The following NEGR1 variants were observed in gnomAD, a reference collection of about 807,000 sequenced individuals.
The protein encoded by NEGR1 is neuronal growth regulator 1.
A neutral mutation model predicts 40.9 loss-of-function variants in NEGR1; 10 were observed. That is an observed-to-expected ratio of 0.24 (90% CI 0.15 to 0.42). The LOEUF is 0.42. NEGR1 is among the 10% of genes least tolerant of loss of function. The pLI is 1.00. For missense variants in NEGR1, 352 were observed against 438.9 expected, an observed-to-expected ratio of 0.80 and a Z score of 1.77; for synonymous variants, 185 against 166.8, an observed-to-expected ratio of 1.11 and a Z score of -0.84.
At chr1:71,985,161 A>G (rs952068582) in intron 1 of NEGR1, among the ~76,000 whole-genome samples, 12 of 152,194 alleles carry the variant, frequency 7.9e-5, no homozygotes, top group African/African-American at 2.9e-4. Flanking sequence ...TTCCCATTCT[A>G]TATTTCAAGA....
chr1:71,904,743 C>G (rs183406113), intron 2 of NEGR1, among the ~76,000 whole-genome samples: 22 of 152,176 alleles, frequency 1.4e-4, no homozygotes, highest in African/African-American at 4.8e-4. Flanking sequence ...TAGTATCCAC[C>G]CACTTAATCT....
rs770213232 is a variant in NEGR1 at position 72,102,926 on chromosome 1, G to A, written c.177-167615C>T. Among the ~76,000 whole-genome samples, 116 of 152,070 alleles carry A rather than the reference G, an allele frequency of 7.6e-4. No individual in the cohort carries two copies. The Middle Eastern group carries it at 0.02, about 27-fold the overall frequency. The stretch of plus-strand genomic sequence containing the variant: ...TTTTTAAAAGTTTTGCTAGGTTAGC[G>A]GAATGGCAATTGCTTTTGATCAAAA... On this transcript the variant is annotated intron_variant, in intron 1 of 6. Transcript: ENST00000357731.
chr1:72,018,143 C>T (rs548713777), intron 1 of NEGR1, among the ~76,000 whole-genome samples: 7 of 152,016 alleles, frequency 4.6e-5, no homozygotes, highest in African/African-American at 1.2e-4. Context: ...CGGTCAATAT[C>T]GATGGTTCAT....
At chr1:72,026,632 C>G (rs1352476228) in intron 1 of NEGR1, among the ~76,000 whole-genome samples, 1 of 152,070 alleles carries the variant, frequency 6.6e-6, no homozygotes, top group Non-Finnish European at 1.5e-5. Flanking sequence ...CTGACCCTCT[C>G]TCTCTCCTGA....
intron 4 of NEGR1, among the ~76,000 whole-genome samples, chr1:71,611,932 T>C (rs924810280): frequency 6.6e-6 from 1 of 152,136 alleles, no homozygotes; most frequent in Admixed American, 6.5e-5. Context: ...GATAGAAATG[T>C]ATTGCATTGG....
intron 1 of NEGR1, among the ~76,000 whole-genome samples, chr1:72,104,741 C>T (rs867165918): frequency 2.6e-5 from 4 of 151,922 alleles, no homozygotes; most frequent in Admixed American, 6.6e-5. Flanking sequence ...TTAAATTGTC[C>T]GATTTAGTTT....
intron 3 of NEGR1, among the ~76,000 whole-genome samples, chr1:71,768,548 G>T (rs1407639038): frequency 6.6e-6 from 1 of 152,120 alleles, no homozygotes; most frequent in African/African-American, 2.4e-5. Context: ...GATTTTACAG[G>T]CACATAGGAA....
At chr1:71,562,133 G>A (rs950579606) in intron 6 of NEGR1, among the ~76,000 whole-genome samples, 2 of 151,656 alleles carry the variant, frequency 1.3e-5, no homozygotes, top group Non-Finnish European at 2.9e-5. Flanking sequence ...CAATGTAGGT[G>A]CCAAGGGTTT....
At chr1:71,581,616 T>C (rs766644278) in intron 6 of NEGR1, among the ~76,000 whole-genome samples, 1 of 152,152 alleles carries the variant, frequency 6.6e-6, no homozygotes, top group Non-Finnish European at 1.5e-5. Context: ...TGAAAGAATC[T>C]GTGAGAAGCA....
chr1:71,465,573 G>A (rs976706826), intron 6 of NEGR1, among the ~76,000 whole-genome samples: 1 of 151,882 alleles, frequency 6.6e-6, no homozygotes, highest in African/African-American at 2.4e-5. Flanking sequence ...AAAAACTTGG[G>A]TCTCCATGAA....
At chr1:72,121,405 A>G (rs1649801234) in intron 1 of NEGR1, among the ~76,000 whole-genome samples, 1 of 152,028 alleles carries the variant, frequency 6.6e-6, no homozygotes, top group Admixed American at 6.6e-5. Context: ...CAAATGTATC[A>G]TACCTAAGCA....
Position 72,094,506 on chromosome 1 carries a change from A to G in NEGR1, c.177-159195T>C, listed in dbSNP as rs552844154. Among the ~76,000 whole-genome samples the G allele has an allele frequency of 2.4e-4, 37 of 152,272 alleles. 1 individual carries two copies. Among genetic ancestry groups the G allele is most frequent in the African/African-American group, 7.9e-4 (33 of 41,558 alleles). Reference sequence around the variant, plus strand: ...GTGCCTGGTCTTTTCAACGTCAAAAACAACTGCAGATGGATATTCCATAAC... The same window carrying G: ...GTGCCTGGTCTTTTCAACGTCAAAAGCAACTGCAGATGGATATTCCATAAC... On this transcript the variant is annotated intron_variant, in intron 1 of 6. Transcript: ENST00000357731.
chr1:71,653,464 AC>A (rs929827662), intron 4 of NEGR1, among the ~76,000 whole-genome samples: 38 of 152,154 alleles, frequency 2.5e-4, no homozygotes, highest in African/African-American at 9.2e-4. Context: ...TTCTTTTTCC[AC>A]CTCATTCTTT....
At chr1:71,511,530 A>T (rs950342033) in intron 6 of NEGR1, among the ~76,000 whole-genome samples, 2 of 152,232 alleles carry the variant, frequency 1.3e-5, no homozygotes, top group African/African-American at 4.8e-5. Flanking sequence ...TCAACTGAAC[A>T]TAGTGGAAAG....
intron 1 of NEGR1, among the ~76,000 whole-genome samples, chr1:72,103,712 C>G (rs1649028814): frequency 6.6e-6 from 1 of 152,022 alleles, no homozygotes; most frequent in Non-Finnish European, 1.5e-5. Context: ...CTCTATTTCT[C>G]AGGTTTATAT....
At chr1:72,272,058 A>G (rs1168414969) in intron 1 of NEGR1, among the ~76,000 whole-genome samples, 2 of 151,882 alleles carry the variant, frequency 1.3e-5, no homozygotes, top group Non-Finnish European at 2.9e-5. Context: ...AATACAGAAA[A>G]TTATGGGTTT....
chr1:71,848,594 C>A (rs1659498503), intron 2 of NEGR1, among the ~76,000 whole-genome samples: 2 of 152,266 alleles, frequency 1.3e-5, no homozygotes, highest in African/African-American at 2.4e-5. Context: ...AATATTTAAG[C>A]CCACTGTTGA....
At chr1:71,953,888 C>A (rs1646094652) in intron 1 of NEGR1, among the ~76,000 whole-genome samples, 1 of 151,840 alleles carries the variant, frequency 6.6e-6, no homozygotes, top group Non-Finnish European at 1.5e-5. Context: ...GTAAACACAA[C>A]TTTTGTTTAT....
At chr1:71,678,269 A>G (rs957292632) in intron 4 of NEGR1, among the ~76,000 whole-genome samples, 1 of 152,170 alleles carries the variant, frequency 6.6e-6, no homozygotes, top group Non-Finnish European at 1.5e-5. Flanking sequence ...TAATTTTCAT[A>G]TATGTATTTG....
Sources: gnomAD v4.1 joint callset for allele counts (sites outside exome capture counted in the v4.1 genomes callset) on GRCh38, gnomAD v4.1.1 for gene constraint, MANE v1.5 for transcripts, NCBI Gene and HGNC (gene_info 2026-07-23, HGNC 2026-07-21) for gene names.